The following MED16 variants were observed in gnomAD, a reference collection of about 807,000 sequenced individuals.
MED16 encodes the protein mediator of RNA polymerase II transcription subunit 16.
MED16 carries 81 observed loss-of-function variants against 84.4 expected under a neutral mutation model. The observed-to-expected ratio is 0.96, with a 90% CI of 0.80 to 1.15. The LOEUF is 1.15. Among genes scored for constraint, MED16 ranks in the 50% most tolerant of loss-of-function variants. The pLI, the probability that MED16 is intolerant of heterozygous loss-of-function variation, is 0.00. For synonymous variants in MED16, 897 were observed against 552.2 expected, an observed-to-expected ratio of 1.62 and a Z score of -8.76; for missense variants, 1,585 against 1,245.9, an observed-to-expected ratio of 1.27 and a Z score of -4.10.
chr19:868,866 G>A lies in MED16; in HGVS notation c.2396C>T (p.Thr799Ile), dbSNP rs1441422473. The change falls in exon 14 of 16, where the codon ACC becomes ATC. Residue 799 changes from threonine (T) to isoleucine (I), a missense_variant. Physicochemically the swap from Thr to Ile is moderately conservative, Grantham distance 89 (BLOSUM62 -1). Transcript: ENST00000325464. ...AGCGGTTCCGGGGGCCCCTCACCTGGTGCAGGCCTTGCATTCCTCCGTGGG... is the reference window on the plus strand; with the variant it reads ...AGCGGTTCCGGGGGCCCCTCACCTGATGCAGGCCTTGCATTCCTCCGTGGG... ...ACPTEECKAC[T>I]RCGCVTMLKS... The A allele has an allele frequency of 4.5e-6, 7 of 1,548,786 alleles. No homozygotes were observed. Among genetic ancestry groups the A allele is most frequent in the Non-Finnish European group, 5.2e-6 (6 of 1,148,930 alleles).
intron 9 of MED16, among the ~76,000 whole-genome samples, 193 bp from the exon 10 acceptor site, chr19:875,647 G>A (rs1210120059): frequency 6.6e-6 from 1 of 152,242 alleles, no homozygotes; most frequent in East Asian, 1.9e-4. Flanking sequence ...CAGGTGCTGG[G>A]TTCTCAGCTG....
intron 6 of MED16, among the ~76,000 whole-genome samples, chr19:884,610 G>A (rs2036487520): frequency 2.0e-5 from 3 of 152,190 alleles, no homozygotes; most frequent in African/African-American, 7.2e-5. Context: ...CCCTCACGGT[G>A]TCCCCGCTGG....
rs780072047 is a variant in MED16, at chr19:871,267, T to A, written c.2099-14A>T. 1 of 1,526,702 alleles carries A rather than the reference T, an allele frequency of 6.6e-7. No individual in the cohort carries two copies. Among genetic ancestry groups the A allele is most frequent in the South Asian group, 1.2e-5 (1 of 83,274 alleles). The allele number at this position is 1,526,702 out of a possible 1,614,324, so 94.6% of individuals were successfully genotyped here. On this transcript the variant is annotated splice_polypyrimidine_tract_variant and intron_variant, in intron 12 of 15. Coordinates refer to ENST00000325464, the MANE Select transcript of MED16 (RefSeq NM_005481.3). ...CCTCATCGCGACCTGCGGAGAGAGG[T>A]GGCGGAAGTCTCAGCACCCCTGACT...
chr19:872,917 G>C (rs539283288), intron 11 of MED16: 3 of 1,039,304 alleles, frequency 2.9e-6, no homozygotes, highest in African/African-American at 3.6e-5. Context: ...TCTTACAGCA[G>C]AGGCTTCATG....
intron 11 of MED16, 119 bp from the exon 12 acceptor site, chr19:872,237 G>A (rs1211254984): frequency 1.1e-5 from 9 of 823,154 alleles, no homozygotes; most frequent in African/African-American, 3.5e-5. Context: ...TGGGACATTT[G>A]TGGTGGTCAG....
chr19:880,178 G>T, intron 7 of MED16, 30 bp from the exon 8 acceptor site: 3 of 1,588,204 alleles, frequency 1.9e-6, no homozygotes, highest in Middle Eastern at 2.2e-4. Context: ...CTTAGACATG[G>T]GCAGGGCCCA....
In MED16 at chr19:876,980, C is replaced by T. The variant is rs142896150; in HGVS notation, c.1554G>A (p.Leu518=). Residue 518 remains leucine, a synonymous_variant, in exon 9 of 16, where the codon CTG becomes CTA. Coordinates refer to ENST00000325464, the MANE Select transcript of MED16 (RefSeq NM_005481.3). ...HEEYTRQTAA[L]QQVLSTRILA... ...ACCTGCCACGGGCCCCCACCTGCTG[C>T]AGGGCAGCGGTCTGGCGCGTGTACT... 251 of 1,610,176 alleles carry T rather than the reference C, an allele frequency of 1.6e-4. No homozygotes were observed. The highest frequency in any genetic ancestry group is 2.1e-4 in the Non-Finnish European group (245 of 1,178,540).
Position 870,180 on chromosome 19 carries a change from C to A in MED16, c.2315+857G>T, listed in dbSNP as rs370404490. 2.6e-5 allele frequency among the ~76,000 whole-genome samples: 4 copies of A among 152,302 alleles called. No homozygotes were observed. In the East Asian group the frequency reaches 7.7e-4, roughly 29 times the overall value. On this transcript the variant is annotated intron_variant, in intron 13 of 15. Coordinates refer to ENST00000325464, the MANE Select transcript of MED16 (RefSeq NM_005481.3). ...TCTCCATCCACAGAGGGATCTACGGCGAGGCCTGACATCCAGGGGGGCCAG... is the reference window on the plus strand; with the variant it reads ...TCTCCATCCACAGAGGGATCTACGGAGAGGCCTGACATCCAGGGGGGCCAG...
At position 877,166 on chromosome 19, in the gene MED16, G is replaced by A. The variant is rs368737553; in HGVS notation, c.1368C>T (p.Arg456=). The change falls in exon 9 of 16, where the codon CGC becomes CGT. Residue 456 remains arginine, a synonymous_variant. Transcript: ENST00000325464. ...IDSHGKLSVL[R]LSPSMGHPLE... ...GCGGGTGGCCCATGGAAGGTGAGAG[G>A]CGGAGCACGCTCAGCTGCCAGAGAC... 7 of 1,609,764 alleles carry A rather than the reference G, an allele frequency of 4.3e-6. No homozygotes were observed. Among genetic ancestry groups the A allele is most frequent in the Middle Eastern group, 1.7e-4 (1 of 6,006 alleles).
chr19:873,695 AAGGGGACCCACAC>A (rs1338546803), intron 10 of MED16, 113 bp from the exon 11 acceptor site: 14 of 1,253,952 alleles, frequency 1.1e-5, no homozygotes, highest in Non-Finnish European at 1.6e-5. Flanking sequence ...ACCAGGACAC[AAGGGGACCCACAC>A]CGGGAACGAG....
In MED16 at chr19:871,684, A is replaced by T. The variant is rs1460009596; in HGVS notation, c.2098+242T>A. The T allele has an allele frequency of 2.7e-6, 4 of 1,473,016 alleles. No individual in the cohort carries two copies. The South Asian group carries it at 4.5e-5, about 17-fold the overall frequency. 91.2% of individuals were successfully genotyped at this position (1,473,016 alleles called of 1,614,324 possible). Reference sequence around the variant, plus strand: ...GGAACTGGGGAAATAGCAGATATCAAGGCAGAGCCACTGCCACCTGCAGGG... The same window carrying T: ...GGAACTGGGGAAATAGCAGATATCATGGCAGAGCCACTGCCACCTGCAGGG... On this transcript the variant is annotated intron_variant, in intron 12 of 15. Transcript: ENST00000325464.
At chr19:877,207 C>T (rs2036269232) in intron 8 of MED16, 27 bp from the exon 9 acceptor site, 2 of 1,588,588 alleles carry the variant, frequency 1.3e-6, no homozygotes, top group Non-Finnish European at 1.7e-6. Context: ...CCAAGGAGAG[C>T]CCGGTGAGAT....
At chr19:889,542 A>C in intron 4 of MED16, 96 bp downstream of exon 4, 1 of 1,461,706 alleles carries the variant, frequency 6.8e-7, no homozygotes, top group Non-Finnish European at 9.2e-7. Context: ...CCAAAAAACC[A>C]GGGGATGCTG....
chr19:871,745 T>C, intron 12 of MED16, 181 bp downstream of exon 12: 1 of 535,412 alleles, frequency 1.9e-6, no homozygotes, highest in Non-Finnish European at 2.9e-6. Context: ...GCAGGACTTG[T>C]GTTTTGGTAG....
chr19:875,556 G>A (rs542095965), intron 9 of MED16, 102 bp from the exon 10 acceptor site: 138 of 907,642 alleles, frequency 1.5e-4, no homozygotes, highest in African/African-American at 5.5e-4. Flanking sequence ...CCAGGCGCTC[G>A]GTCAGCTGGG....
chr19:876,935 CCCACCTGCCACGGGGCCCCACCTG>C lies in MED16; in HGVS notation c.1560+15_1560+38del, dbSNP rs781136454. On this transcript the variant is annotated intron_variant, in intron 9 of 15. Transcript: ENST00000325464. ...CGGGGCCCCCACCTGCCACAGGGCCCCCACCTGCCACGGGGCCCCACCTGCCACGGGCCCCCACCTGCTGCAGGG... is the reference window on the plus strand; with the variant it reads ...CGGGGCCCCCACCTGCCACAGGGCCCCCACGGGCCCCCACCTGCTGCAGGG... 1 of 1,574,258 alleles carries C rather than the reference CCCACCTGCCACGGGGCCCCACCTG, an allele frequency of 6.4e-7. No individual in the cohort carries two copies. The highest frequency in any genetic ancestry group is 1.1e-5 in the South Asian group (1 of 88,664).
chr19:886,052 C>A lies in MED16; in HGVS notation c.597G>T (p.Val199=), dbSNP rs915375033. 13 of 1,593,632 alleles carry A rather than the reference C, an allele frequency of 8.2e-6. No homozygotes were observed. In the African/African-American group the frequency reaches 1.5e-4, roughly 18 times the overall value. Residue 199 remains valine, a synonymous_variant, in exon 5 of 16, where the codon GTG becomes GTT. Transcript: ENST00000325464. ...TVSLLKPSGQ[V]LTSTESLCRL... is the part of the protein sequence containing the mutation. Reference sequence around the variant, plus strand: ...GGCACAGGCTCTCGGTGGACGTCAGCACCTGCCCGCTGGGCTTCAGCAGGG... The same window carrying A: ...GGCACAGGCTCTCGGTGGACGTCAGAACCTGCCCGCTGGGCTTCAGCAGGG...
At chr19:888,764 C>T (rs1003006257) in intron 4 of MED16, among the ~76,000 whole-genome samples, 13 of 152,150 alleles carry the variant, frequency 8.5e-5, no homozygotes, top group African/African-American at 2.9e-4. Context: ...GCCGGTGCTG[C>T]GTGTACTGCG....
At chr19:872,159 G>A (rs1412344260) in intron 11 of MED16, 41 bp from the exon 12 acceptor site, 7 of 1,548,454 alleles carry the variant, frequency 4.5e-6, no homozygotes, top group African/African-American at 2.7e-5. Context: ...GCGGCGGGGG[G>A]CAGATGGCGA....
Sources: gnomAD v4.1 joint callset for allele counts (sites outside exome capture counted in the v4.1 genomes callset) on GRCh38, gnomAD v4.1.1 for gene constraint, MANE v1.5 for transcripts, NCBI Gene and HGNC (gene_info 2026-07-23, HGNC 2026-07-21) for gene names.